The following LRTM1 variants were observed in gnomAD, a reference collection of about 807,000 sequenced individuals.
The protein encoded by LRTM1 is leucine-rich repeat and transmembrane domain-containing protein 1.
A neutral mutation model predicts 32.4 loss-of-function variants in LRTM1; 38 were observed. The ratio of observed to expected loss-of-function variants is 1.17; its 90% CI spans 0.91 to 1.54. The LOEUF (loss-of-function observed/expected upper bound fraction) is 1.54. LRTM1 is among the 40% of genes most tolerant of loss of function. LRTM1 has a pLI of 0.00. For synonymous variants in LRTM1, 186 were observed against 169.9 expected (o/e 1.09, Z -0.74); for missense variants, 466 against 415.4 (o/e 1.12, Z -1.06).
At chr3:54,954,960 T>C (rs760174793) in intron 1 of LRTM1, among the ~76,000 whole-genome samples, 6 of 152,206 alleles carry the variant, frequency 3.9e-5, no homozygotes, top group Non-Finnish European at 7.3e-5. Context: ...CTAGCTTTTA[T>C]TGAATGCTTA....
At chr3:54,933,577 G>A (rs1467912363) in intron 1 of LRTM1, among the ~76,000 whole-genome samples, 1 of 152,166 alleles carries the variant, frequency 6.6e-6, no homozygotes, top group African/African-American at 2.4e-5. Flanking sequence ...AGAAGAGGAG[G>A]CATAGCTGTT....
chr3:54,928,215 C>T (rs967513302), upstream of LRTM1: 15 of 419,756 alleles, frequency 3.6e-5, no homozygotes, highest in East Asian at 1.5e-4. Context: ...CCCATTCAGA[C>T]GATGAGCCGC....
intron 1 of LRTM1, among the ~76,000 whole-genome samples, chr3:54,963,350 G>T (rs947202790): frequency 2.6e-5 from 4 of 151,970 alleles, no homozygotes; most frequent in African/African-American, 9.7e-5. Context: ...TCTTTTCTAT[G>T]GTTCCTTCTG....
At chr3:54,927,225 G>A (rs911560240) in intron 1 of LRTM1, among the ~76,000 whole-genome samples, 10 of 152,136 alleles carry the variant, frequency 6.6e-5, no homozygotes, top group Admixed American at 2.0e-4. Context: ...ATTCTCTACT[G>A]AGGCTAACAG....
intron 1 of LRTM1, among the ~76,000 whole-genome samples, chr3:54,953,967 C>T (rs1200222473): frequency 6.6e-6 from 1 of 152,192 alleles, no homozygotes; most frequent in Non-Finnish European, 1.5e-5. Context: ...CCACAGATTT[C>T]AGTCCACAGA....
upstream of LRTM1, among the ~76,000 whole-genome samples, chr3:54,930,817 C>T (rs1247416487): frequency 6.6e-6 from 1 of 152,198 alleles, no homozygotes; most frequent in East Asian, 1.9e-4. Flanking sequence ...GCATCTTGGC[C>T]AAGCATGGTG....
At chr3:54,938,641 T>A (rs1235189055) in intron 1 of LRTM1, among the ~76,000 whole-genome samples, 4 of 149,026 alleles carry the variant, frequency 2.7e-5, no homozygotes, top group African/African-American at 5.0e-5. Context: ...AAATTATACA[T>A]CTTGATATAG....
chr3:54,922,133 C>T (rs576938934), intron 2 of LRTM1, among the ~76,000 whole-genome samples: 3 of 152,134 alleles, frequency 2.0e-5, no homozygotes, highest in East Asian at 1.9e-4. Context: ...TGTTGAAATG[C>T]GTCACAGAAT....
intron 1 of LRTM1, among the ~76,000 whole-genome samples, chr3:54,935,136 C>T (rs1331297882): frequency 3.3e-5 from 5 of 152,312 alleles, no homozygotes; most frequent in African/African-American, 1.2e-4. Context: ...GTTTCCCTGA[C>T]ACTGTCTAAC....
rs573063671 is a variant in LRTM1 at position 54,941,808 on chromosome 3, C to A, written c.-221-16593G>T. 7.2e-5 allele frequency among the ~76,000 whole-genome samples: 11 copies of A among 152,250 alleles called. No homozygotes were observed. The East Asian group carries it at 2.1e-3, about 29-fold the overall frequency. ...AAAGGCTAGGGTGAGTCCCTTGGGTCTGGGGAGAGGCTTCAGGGACATGCA... is the reference window on the plus strand; with the variant it reads ...AAAGGCTAGGGTGAGTCCCTTGGGTATGGGGAGAGGCTTCAGGGACATGCA... On this transcript the variant is annotated intron_variant, in intron 1 of 2. Coordinates refer to the LRTM1 transcript ENST00000493075.
intron 1 of LRTM1, 34 bp from the exon 2 acceptor site, chr3:54,925,249 C>A: frequency 6.4e-7 from 1 of 1,564,800 alleles, no homozygotes; most frequent in South Asian, 1.1e-5. Context: ...GGATAGGAAC[C>A]AGTTTGTGAG....
At chr3:54,955,323 C>G (rs1701859853) in intron 1 of LRTM1, among the ~76,000 whole-genome samples, 1 of 152,116 alleles carries the variant, frequency 6.6e-6, no homozygotes, top group African/African-American at 2.4e-5. Flanking sequence ...CTTGAAGCTA[C>G]TCTCAGAAGA....
intron 2 of LRTM1, 116 bp downstream of exon 2, chr3:54,924,503 A>T: frequency 1.2e-6 from 1 of 829,924 alleles, no homozygotes; most frequent in Non-Finnish European, 1.9e-6. Context: ...CGATGTGTAA[A>T]AGCCCAAATC....
chr3:54,966,108 G>C (rs936369424), intron 1 of LRTM1, among the ~76,000 whole-genome samples: 10 of 152,110 alleles, frequency 6.6e-5, no homozygotes, highest in Non-Finnish European at 1.2e-4. Context: ...GGGAGGTGAA[G>C]ATGAGGGCTC....
chr3:54,950,133 C>G (rs1180771543), intron 1 of LRTM1, among the ~76,000 whole-genome samples: 5 of 152,182 alleles, frequency 3.3e-5, no homozygotes, highest in Non-Finnish European at 5.9e-5. Flanking sequence ...AAATGGGAGT[C>G]ATAAGTGAAA....
At chr3:54,929,840 T>C (rs1203987599), upstream of LRTM1, among the ~76,000 whole-genome samples, 2 of 152,280 alleles carry the variant, frequency 1.3e-5, no homozygotes, top group Admixed American at 1.3e-4. Flanking sequence ...TACATAACCA[T>C]CAATGGCCCC....
rs10716957 is a variant in LRTM1, at chr3:54,960,076, C to CA, written c.-222+6851dup. Among the ~76,000 whole-genome samples, 402 of 81,844 alleles carry CA rather than the reference C, an allele frequency of 4.9e-3. 2 individuals are homozygous for CA. The highest frequency in any genetic ancestry group is 0.02 in the South Asian group (42 of 2,094). The allele number at this position is 81,844 out of a possible 152,430, so 53.7% of individuals were successfully genotyped here. Reference sequence around the variant, plus strand: ...ACAGTTCCGAGAAGCTCTGACAGGACAAAAAAAAAAAAAAAACCAAAGTGA... The same window carrying CA: ...ACAGTTCCGAGAAGCTCTGACAGGACAAAAAAAAAAAAAAAAACCAAAGTGA... On this transcript the variant is annotated intron_variant, in intron 1 of 2. Transcript: ENST00000493075.
intron 2 of LRTM1, 43 bp from the exon 3 acceptor site, chr3:54,918,935 C>G: frequency 1.4e-6 from 2 of 1,447,744 alleles, no homozygotes; most frequent in Non-Finnish European, 9.2e-7. Context: ...AGCCTTGATA[C>G]AACAGAGTTC....
chr3:54,931,292 C>A (rs892664659), upstream of LRTM1, among the ~76,000 whole-genome samples: 5 of 152,146 alleles, frequency 3.3e-5, no homozygotes, highest in African/African-American at 7.2e-5. Context: ...CTCATGCTGA[C>A]CCCAATTGGG....
Sources: gnomAD v4.1 joint callset for allele counts (sites outside exome capture counted in the v4.1 genomes callset) on GRCh38, gnomAD v4.1.1 for gene constraint, MANE v1.5 for transcripts, NCBI Gene and HGNC (gene_info 2026-07-23, HGNC 2026-07-21) for gene names.